Variants in GNA15 observed in about 807,000 individuals in gnomAD.
GNA15 encodes the protein guanine nucleotide-binding protein subunit alpha-15.
GNA15 carries 23 observed loss-of-function variants against 40.1 expected under a neutral mutation model. That is an observed-to-expected ratio of 0.57 (90% CI 0.41 to 0.81). The LOEUF is 0.81. GNA15 is among the 40% of genes least tolerant of loss of function. The probability of loss-of-function intolerance (pLI) is 0.00; values close to 1 mark genes in which losing one functional copy is unlikely to be tolerated. For synonymous variants in GNA15, 226 were observed against 210.4 expected (o/e 1.07, Z -0.64); for missense variants, 522 against 515.8 (o/e 1.01, Z -0.12).
At chr19:3,159,149 C>T (rs932608861) in intron 6 of GNA15, among the ~76,000 whole-genome samples, 9 of 151,884 alleles carry the variant, frequency 5.9e-5, no homozygotes, top group Admixed American at 2.6e-4. Context: ...CTCAGCCTCC[C>T]GAGTAGCTGG....
At chr19:3,153,445 G>A (rs1298159012) in intron 4 of GNA15, among the ~76,000 whole-genome samples, 1 of 151,770 alleles carries the variant, frequency 6.6e-6, no homozygotes, top group African/African-American at 2.4e-5. Context: ...TGGATAGATG[G>A]ATGGATTGAA....
intron 4 of GNA15, among the ~76,000 whole-genome samples, chr19:3,152,088 T>C (rs1267623051): frequency 6.6e-6 from 1 of 152,084 alleles, no homozygotes; most frequent in Non-Finnish European, 1.5e-5. Flanking sequence ...GGAATATTAA[T>C]GGGGTTTTGA....
chr19:3,138,832 G>T (rs1914514447), intron 1 of GNA15, among the ~76,000 whole-genome samples: 1 of 150,840 alleles, frequency 6.6e-6, no homozygotes, highest in Non-Finnish European at 1.5e-5. Context: ...TAGAGATGGG[G>T]TTCCACCATG....
In GNA15 at chr19:3,163,099, G is replaced by T; in HGVS notation, c.*80G>T. 1.1e-6 allele frequency: 1 copy of T among 884,946 alleles called. No individual in the cohort carries two copies. The highest frequency in any genetic ancestry group is 1.9e-6 in the Non-Finnish European group (1 of 538,270). 54.8% of individuals were successfully genotyped at this position (884,946 alleles called of 1,614,324 possible). On this transcript the variant is annotated 3_prime_UTR_variant, in exon 7 of 7. Coordinates refer to ENST00000262958, the MANE Select transcript of GNA15 (RefSeq NM_002068.4). ...GCTGCAGGGACCCCTAGTGTCCCTGGTCTATCTCTCCAGCCTCGGCCCACA... is the reference window on the plus strand; with the variant it reads ...GCTGCAGGGACCCCTAGTGTCCCTGTTCTATCTCTCCAGCCTCGGCCCACA...
At chr19:3,160,386 C>A (rs1056115749) in intron 6 of GNA15, among the ~76,000 whole-genome samples, 16 of 152,184 alleles carry the variant, frequency 1.1e-4, no homozygotes, top group Non-Finnish European at 2.1e-4. Flanking sequence ...AGCCTCTTCA[C>A]ATGGTTTGAG....
At chr19:3,138,222 C>T (rs1914495408) in intron 1 of GNA15, among the ~76,000 whole-genome samples, 1 of 151,968 alleles carries the variant, frequency 6.6e-6, no homozygotes. Context: ...GCCAGGATTG[C>T]ACTATTGCAC....
intron 5 of GNA15, among the ~76,000 whole-genome samples, chr19:3,157,037 G>A (rs959524196): frequency 5.9e-5 from 9 of 151,328 alleles, no homozygotes; most frequent in Non-Finnish European, 1.2e-4. Flanking sequence ...CGCTTTTGTC[G>A]CCCAGGTTAG....
At chr19:3,145,639 T>TTC (rs1914703572) in intron 1 of GNA15, among the ~76,000 whole-genome samples, 1 of 125,876 alleles carries the variant, frequency 7.9e-6, no homozygotes, top group Non-Finnish European at 1.7e-5. Flanking sequence ...AACCTCTGCC[T>TTC]CGAGTTCAAG....
Position 3,158,171 on chromosome 19 carries a change from G to C in GNA15, c.898+290G>C, listed in dbSNP as rs111533222. Among the ~76,000 whole-genome samples, 193 of 152,200 alleles carry C rather than the reference G, an allele frequency of 1.3e-3. 2 individuals carry two copies. The highest frequency in any genetic ancestry group is 3.1e-3 in the South Asian group (15 of 4,826). On this transcript the variant is annotated intron_variant, in intron 6 of 6. Transcript: ENST00000262958. ...ATTTTATTTATTTATTTATTTTTGA[G>C]ACAGAGTCTTGCTCTGTCACCAGGC...
chr19:3,159,794 A>G (rs1915106150), intron 6 of GNA15, among the ~76,000 whole-genome samples: 1 of 152,260 alleles, frequency 6.6e-6, no homozygotes, highest in Non-Finnish European at 1.5e-5. Flanking sequence ...GACACGTACA[A>G]TGGGCAAAAA....
Position 3,151,600 on chromosome 19 carries a change from A to G in GNA15, c.486-107A>G. The G allele has an allele frequency of 7.6e-7, 1 of 1,322,932 alleles. No homozygotes were observed. Among genetic ancestry groups the G allele is most frequent in the Non-Finnish European group, 1.0e-6 (1 of 986,264 alleles). The allele number at this position is 1,322,932 out of a possible 1,614,324, so 81.9% of individuals were successfully genotyped here. A position where few individuals can be genotyped will look rare whatever the true frequency, so the allele number is the denominator to read the frequency against. ...AACTCCAGGGACCCCACCTCCACCC[A>G]GGGAGCTCTCCTCCCCCAGCAGGGT... On this transcript the variant is annotated intron_variant, in intron 3 of 6. Transcript: ENST00000262958. The surrounding 1 kb of genome is among the most constrained non-coding windows in gnomAD (Gnocchi z 5.0).
rs1236828762 is a variant in GNA15, at chr19:3,163,079, A to C, written c.*60A>C. The C allele has an allele frequency of 5.7e-6, 6 of 1,061,676 alleles. No individual in the cohort carries two copies. The highest frequency in any genetic ancestry group is 4.7e-5 in the African/African-American group (3 of 64,360). The allele number at this position is 1,061,676 out of a possible 1,614,324, so 65.8% of individuals were successfully genotyped here. A position where few individuals can be genotyped will look rare whatever the true frequency, so the allele number is the denominator to read the frequency against. On this transcript the variant is annotated 3_prime_UTR_variant, in exon 7 of 7. Transcript: ENST00000262958. ...GCGGGTGGGAGGTGGGAGTGGCTGC[A>C]GGGACCCCTAGTGTCCCTGGTCTAT...
rs947650694 is a variant in GNA15, at chr19:3,161,922, A to C, written c.899-871A>C. Among the ~76,000 whole-genome samples the C allele has an allele frequency of 4.6e-5, 7 of 151,218 alleles. 1 individual carries two copies. Among genetic ancestry groups the C allele is most frequent in the African/African-American group, 1.7e-4 (7 of 41,086 alleles). ...GTGGCGGGGGCCTGTCATCCCAGTT[A>C]CTCGGGAGGCTGAGGCAGGAGAATC... is the stretch of plus-strand genomic sequence containing the variant. On this transcript the variant is annotated intron_variant, in intron 6 of 6. Coordinates refer to ENST00000262958, the MANE Select transcript of GNA15 (RefSeq NM_002068.4).
chr19:3,141,408 A>T (rs11881273), intron 1 of GNA15, among the ~76,000 whole-genome samples: 35,035 of 151,894 alleles, frequency 0.23, 4,059 homozygotes, highest in Non-Finnish European at 0.26. Flanking sequence ...TTTTATTTTT[A>T]TTTTTGAGAC....
intron 2 of GNA15, chr19:3,149,038 C>CACCT: frequency 2.1e-6 from 1 of 465,646 alleles, no homozygotes; most frequent in Non-Finnish European, 3.9e-6. Flanking sequence ...CAAGGACACA[C>CACCT]ACGTACATGC....
chr19:3,143,578 A>G (rs935968878), intron 1 of GNA15, among the ~76,000 whole-genome samples: 1 of 152,034 alleles, frequency 6.6e-6, no homozygotes, highest in Non-Finnish European at 1.5e-5. Flanking sequence ...CTTGAAACCC[A>G]TGAGGTGGAG....
chr19:3,156,345 A>G (rs1046988984), intron 5 of GNA15, among the ~76,000 whole-genome samples: 12 of 151,978 alleles, frequency 7.9e-5, no homozygotes, highest in African/African-American at 2.9e-4. Context: ...ACGAACACAC[A>G]TGCACCACAC....
At chr19:3,137,235 A>G (rs772525510) in intron 1 of GNA15, among the ~76,000 whole-genome samples, 21 of 152,212 alleles carry the variant, frequency 1.4e-4, no homozygotes, top group African/African-American at 1.9e-4. Context: ...TAGTCTGTAA[A>G]CTCATAAGCA....
rs144820369 is a variant in GNA15 at position 3,159,416 on chromosome 19, G to A, written c.898+1535G>A. On this transcript the variant is annotated intron_variant, in intron 6 of 6. Coordinates refer to ENST00000262958, the MANE Select transcript of GNA15 (RefSeq NM_002068.4). ...GGCTGGAGTGCAATGGCACAATCTC[G>A]GCTCACCGCAACCTCCGCCTCCCGG... Among the ~76,000 whole-genome samples, 839 of 139,094 alleles carry A rather than the reference G, an allele frequency of 6.0e-3. 6 individuals carry two copies. The highest frequency in any genetic ancestry group is 0.022 in the African/African-American group (793 of 36,620). The allele number at this position is 139,094 out of a possible 152,430, so 91.3% of individuals were successfully genotyped here. A position where few individuals can be genotyped will look rare whatever the true frequency, so the allele number is the denominator to read the frequency against.
Sources: allele counts gnomAD v4.1 joint callset (sites outside exome capture counted in the v4.1 genomes callset), GRCh38; gene constraint gnomAD v4.1.1; non-coding constraint Gnocchi (gnomAD v3.1); transcripts MANE v1.5; gene names NCBI Gene and HGNC (gene_info 2026-07-23, HGNC 2026-07-21).